HMG20A: variants seen among roughly 807,000 people sequenced by gnomAD.
HMG20A encodes the protein high mobility group protein 20A.
Under a neutral mutation model 43.9 loss-of-function variants are expected in HMG20A, and 17 were observed. That is an observed-to-expected ratio of 0.39 (90% confidence interval 0.27 to 0.58). HMG20A has a LOEUF of 0.58. Ranked by LOEUF, HMG20A falls within the 20% of genes least tolerant of loss-of-function variation. The probability of loss-of-function intolerance (pLI) is 0.59; values close to 1 mark genes in which losing one functional copy is unlikely to be tolerated. For missense variants in HMG20A, 341 were observed against 438.2 expected (o/e 0.78, Z 1.98); for synonymous variants, 132 against 147.5 (o/e 0.89, Z 0.76).
chr15:77,426,249 G>A (rs1366594341), intron 1 of HMG20A, among the ~76,000 whole-genome samples: 4 of 152,064 alleles, frequency 2.6e-5, no homozygotes, highest in Non-Finnish European at 5.9e-5. Flanking sequence ...GAGGGGGTTC[G>A]GGGTGCTAAC....
At chr15:77,512,936 C>T in the HMG20A span, among the ~76,000 whole-genome samples, 2 of 152,142 alleles carry the variant, frequency 1.3e-5, no homozygotes, top group African/African-American at 4.8e-5. Context: ...ATGCAAAGAA[C>T]ACAGCATTAC....
At chr15:77,481,726 C>T (rs972845195) in intron 9 of HMG20A, among the ~76,000 whole-genome samples, 2 of 152,132 alleles carry the variant, frequency 1.3e-5, no homozygotes, top group African/African-American at 4.8e-5. Context: ...TGTTATATTA[C>T]TACAGATTCT....
At chr15:77,473,456 C>G (rs752516301) in intron 6 of HMG20A, among the ~76,000 whole-genome samples, 1 of 152,176 alleles carries the variant, frequency 6.6e-6, no homozygotes, top group Admixed American at 6.5e-5. Context: ...TTAACAGTTA[C>G]CAAAGAGAAT....
chr15:77,421,528 C>T (rs1161739188), intron 1 of HMG20A, among the ~76,000 whole-genome samples: 1 of 152,238 alleles, frequency 6.6e-6, no homozygotes, highest in African/African-American at 2.4e-5. Context: ...CACCTGCACC[C>T]CTACTCAAGT....
chr15:77,468,790 CAG>C (rs1301156021), intron 4 of HMG20A, among the ~76,000 whole-genome samples: 1 of 152,104 alleles, frequency 6.6e-6, no homozygotes, highest in Admixed American at 6.5e-5. Flanking sequence ...TTTTCATTAA[CAG>C]TGCTTTAATC....
At chr15:77,500,092 A>G in the HMG20A span, among the ~76,000 whole-genome samples, 1 of 151,992 alleles carries the variant, frequency 6.6e-6, no homozygotes, top group African/African-American at 2.4e-5. Context: ...CGGCCTCCCA[A>G]AGTGCTGGGA....
intron 1 of HMG20A, 154 bp downstream of exon 1, chr15:77,421,158 A>C: frequency 3.7e-6 from 1 of 273,692 alleles, no homozygotes. Context: ...GGAGGGGAGG[A>C]AGGCCGTCCT....
At chr15:77,489,997 C>T (rs181952081), downstream of HMG20A, among the ~76,000 whole-genome samples, 9 of 152,136 alleles carry the variant, frequency 5.9e-5, no homozygotes, top group African/African-American at 1.9e-4. Flanking sequence ...CACTCTAGGC[C>T]GGGCGTGGTG....
At chr15:77,509,227 C>T in the HMG20A span, among the ~76,000 whole-genome samples, 1 of 151,888 alleles carries the variant, frequency 6.6e-6, no homozygotes, top group Non-Finnish European at 1.5e-5. Flanking sequence ...CCTTCATTTC[C>T]TTCCTTCCTT....
rs1174106736 is a variant in HMG20A at position 77,467,293 on chromosome 15, CCTGA to C, written c.437_440del (p.Pro146ArgfsTer18). On this transcript the variant is annotated frameshift_variant, in exon 4 of 10. Transcript: ENST00000336216. LOFTEE classifies it high-confidence loss of function. ...AGGCAATGAATGGAGTAAACTGCCT[CCTGA>C]GGAAAAACAGGTAATTGTTCCTATT... is the stretch of plus-strand genomic sequence containing the variant. 1 of 1,612,064 alleles carries C rather than the reference CCTGA, an allele frequency of 6.2e-7. No homozygotes were observed. Among genetic ancestry groups the C allele is most frequent in the South Asian group, 1.1e-5 (1 of 91,002 alleles).
intron 1 of HMG20A, among the ~76,000 whole-genome samples, chr15:77,435,541 G>A (rs541913668): frequency 5.3e-5 from 8 of 152,104 alleles, no homozygotes; most frequent in Non-Finnish European, 7.4e-5. Context: ...TGATCCGCCC[G>A]CCTCGGCCTC....
At chr15:77,421,541 A>G (rs1462618280) in intron 1 of HMG20A, among the ~76,000 whole-genome samples, 1 of 152,268 alleles carries the variant, frequency 6.6e-6, no homozygotes, top group Non-Finnish European at 1.5e-5. Flanking sequence ...ACTCAAGTCC[A>G]GCCTTGGCTG....
At chr15:77,505,945 G>C in the HMG20A span, among the ~76,000 whole-genome samples, 1 of 151,990 alleles carries the variant, frequency 6.6e-6, no homozygotes, top group Non-Finnish European at 1.5e-5. Context: ...ACTCTCCCAG[G>C]ACAGCCCTTC....
Position 77,441,933 on chromosome 15 carries a change from CTT to C in HMG20A, c.-4-16468_-4-16467del, listed in dbSNP as rs142902342. Among the ~76,000 whole-genome samples the C allele has an allele frequency of 5.7e-4, 86 of 152,208 alleles. 1 individual carries two copies. In the East Asian group the frequency reaches 0.016, roughly 28 times the overall value. ...ATGATGAGCTTGAGAGTACCAATAA[CTT>C]TTCTTTTTCGTGTAAGGCAATTTAG... On this transcript the variant is annotated intron_variant, in intron 1 of 9. Coordinates refer to ENST00000336216, the MANE Select transcript of HMG20A (RefSeq NM_001304504.2).
chr15:77,462,623 CCT>C (rs957216536), intron 2 of HMG20A, among the ~76,000 whole-genome samples: 4 of 144,056 alleles, frequency 2.8e-5, no homozygotes, highest in African/African-American at 1.0e-4. Context: ...ACACACACAC[CCT>C]GTTTTTACTT....
intron 2 of HMG20A, among the ~76,000 whole-genome samples, chr15:77,460,209 T>C (rs996519291): frequency 2.0e-5 from 3 of 152,134 alleles, no homozygotes; most frequent in Non-Finnish European, 2.9e-5. Context: ...AAAAACCTCA[T>C]TGGAGTGTGT....
Position 77,440,483 on chromosome 15 carries a change from G to A in HMG20A, c.-4-17921G>A, listed in dbSNP as rs78248118. Among the ~76,000 whole-genome samples, 306 of 152,172 alleles carry A rather than the reference G, an allele frequency of 2.0e-3. 1 individual carries two copies. The highest frequency in any genetic ancestry group is 7.3e-3 in the African/African-American group (303 of 41,520). On this transcript the variant is annotated intron_variant, in intron 1 of 9. Transcript: ENST00000336216. ...ACTGAGAAGGTGTCAGTTAGGATAG[G>A]CTAGGTTATTGCTATTTATATTGCT...
chr15:77,433,275 G>A (rs1454062915), intron 1 of HMG20A, among the ~76,000 whole-genome samples: 4 of 148,940 alleles, frequency 2.7e-5, no homozygotes, highest in African/African-American at 7.4e-5. Flanking sequence ...CTAGGAGTTC[G>A]AGGTTACAGT....
intron 1 of HMG20A, among the ~76,000 whole-genome samples, chr15:77,435,481 A>G (rs1337706028): frequency 1.3e-5 from 2 of 151,906 alleles, no homozygotes; most frequent in Non-Finnish European, 2.9e-5. Flanking sequence ...TTAAGTAGAG[A>G]TGGGGTTTCA....
Sources: allele counts gnomAD v4.1 joint callset (sites outside exome capture counted in the v4.1 genomes callset), GRCh38; gene constraint gnomAD v4.1.1; transcripts MANE v1.5; gene names NCBI Gene and HGNC (gene_info 2026-07-23, HGNC 2026-07-21).